Variants in ZNF469 observed in about 807,000 individuals in gnomAD.
The protein encoded by ZNF469 is zinc finger protein 469.
A neutral mutation model predicts 1.0 loss-of-function variants in ZNF469; 1 was observed. The ratio of observed to expected loss-of-function variants is 1.00; its 90% confidence interval spans 0.35 to 4.73. ZNF469 has a LOEUF of 4.73. ZNF469 is among the 30% of genes most tolerant of loss of function. The pLI is 0.16. For synonymous variants in ZNF469, 2,703 were observed against 2,363.4 expected, an observed-to-expected ratio of 1.14 and a Z score of -4.17; for missense variants, 6,100 against 5,356.3, an observed-to-expected ratio of 1.14 and a Z score of -4.33.
At position 88,431,074 on chromosome 16, in the gene ZNF469, C is replaced by G. The variant is rs1163961060; in HGVS notation, c.3604C>G (p.Pro1202Ala). The G allele has an allele frequency of 6.5e-7, 1 of 1,549,696 alleles. No homozygotes were observed. Among genetic ancestry groups the G allele is most frequent in the African/African-American group, 1.4e-5 (1 of 73,024 alleles). The change falls in exon 3 of 3, where the codon CCC (proline) becomes GCC (alanine). Residue 1202 changes from proline to alanine, a missense_variant. Pro to Ala is a conservative substitution (Grantham distance 27). Transcript: ENST00000565624. The stretch of plus-strand genomic sequence containing the variant: ...TCGCCCCTCAGTGGCCCCCAAGGAT[C>G]CCCTGCAGGTCCCCACCAACACCGA... ...ADRPSVAPKD[P>A]LQVPTNTETS...
At chr16:88,259,826 C>G in the ZNF469 span, among the ~76,000 whole-genome samples, 6 of 152,192 alleles carry the variant, frequency 3.9e-5, no homozygotes, top group Non-Finnish European at 8.8e-5. The surrounding 1 kb of genome is among the most constrained non-coding windows in gnomAD (Gnocchi z 4.1). Flanking sequence ...CTGCAGGCTC[C>G]GCCGAAGACC....
At chr16:88,107,547 G>A in the ZNF469 span, among the ~76,000 whole-genome samples, 912 of 152,336 alleles carry the variant, frequency 6.0e-3, 9 homozygotes, top group African/African-American at 0.021. Flanking sequence ...TGAGATCTGC[G>A]TGGAGACACA....
the ZNF469 span, among the ~76,000 whole-genome samples, chr16:88,192,718 GT>G: frequency 6.6e-6 from 1 of 152,150 alleles, no homozygotes; most frequent in Non-Finnish European, 1.5e-5. Context: ...GATAATGGTG[GT>G]GATGATGGTG....
intron 1 of ZNF469, among the ~76,000 whole-genome samples, chr16:88,423,920 C>A (rs1407581876): frequency 6.6e-6 from 1 of 152,244 alleles, no homozygotes; most frequent in Non-Finnish European, 1.5e-5. Context: ...GCGGTAAGCT[C>A]AGCTGTGTTC....
the ZNF469 span, among the ~76,000 whole-genome samples, chr16:88,266,505 G>A: frequency 1.3e-5 from 2 of 152,228 alleles, no homozygotes; most frequent in African/African-American, 2.4e-5. Context: ...ATGTAGAGGC[G>A]AATTTCCAAG....
chr16:88,139,748 C>A, the ZNF469 span, among the ~76,000 whole-genome samples: 1 of 152,156 alleles, frequency 6.6e-6, no homozygotes, highest in Non-Finnish European at 1.5e-5. Context: ...TCTGTCCAGG[C>A]TTTGAGTAGA....
chr16:88,366,578 C>T, the ZNF469 span, among the ~76,000 whole-genome samples: 1 of 44,506 alleles, frequency 2.2e-5, no homozygotes, highest in Non-Finnish European at 9.5e-5. Flanking sequence ...TCCATCATCA[C>T]CTTCACCACC....
the ZNF469 span, among the ~76,000 whole-genome samples, chr16:88,342,273 G>T: frequency 2.0e-5 from 3 of 152,114 alleles, no homozygotes; most frequent in African/African-American, 7.2e-5. Flanking sequence ...GGTCCAGGCT[G>T]GGACTTGAGT....
the ZNF469 span, among the ~76,000 whole-genome samples, chr16:88,309,990 C>T: frequency 6.6e-6 from 1 of 152,304 alleles, no homozygotes; most frequent in Non-Finnish European, 1.5e-5. Context: ...ATGACCCACC[C>T]GTGTTGTAAA....
At chr16:88,114,402 G>A in the ZNF469 span, among the ~76,000 whole-genome samples, 1 of 134,258 alleles carries the variant, frequency 7.4e-6, no homozygotes, top group African/African-American at 2.9e-5. Context: ...TCTCTGGGGT[G>A]GGGAATGACA....
Position 88,429,804 on chromosome 16 carries a change from T to C in ZNF469, c.2334T>C (p.Ala778=), listed in dbSNP as rs1447297308. 4 of 1,544,968 alleles carry C rather than the reference T, an allele frequency of 2.6e-6. No individual in the cohort carries two copies. Among genetic ancestry groups the C allele is most frequent in the Non-Finnish European group, 1.7e-6 (2 of 1,143,976 alleles). The change falls in exon 3 of 3, where the codon GCT becomes GCC. Residue 778 remains alanine (A), a synonymous_variant. Coordinates refer to ENST00000565624, the MANE Select transcript of ZNF469 (RefSeq NM_001367624.2). ...CCCCTGGGCTCCCCTCGCCCCCCGCTGCCCCCAGAGTCCCTGCCGACGCAC... is the reference window on the plus strand; with the variant it reads ...CCCCTGGGCTCCCCTCGCCCCCCGCCGCCCCCAGAGTCCCTGCCGACGCAC... ...PGPPGLPSPP[A]APRVPADAHA...
chr16:88,345,539 C>T, the ZNF469 span, among the ~76,000 whole-genome samples: 4 of 152,140 alleles, frequency 2.6e-5, no homozygotes, highest in African/African-American at 4.8e-5. Context: ...GATGTGGGCA[C>T]GTCACTGCCC....
At chr16:88,330,300 G>A in the ZNF469 span, among the ~76,000 whole-genome samples, 16 of 152,178 alleles carry the variant, frequency 1.1e-4, no homozygotes, top group African/African-American at 3.6e-4. Flanking sequence ...GCCCTTCCTA[G>A]CATTTCTGCT....
At chr16:88,229,340 A>AGCT in the ZNF469 span, among the ~76,000 whole-genome samples, 1 of 152,230 alleles carries the variant, frequency 6.6e-6, no homozygotes, top group Admixed American at 6.5e-5. Context: ...GGGAGTAAAA[A>AGCT]GCTGCTCTCG....
the ZNF469 span, among the ~76,000 whole-genome samples, chr16:88,197,305 C>T: frequency 6.6e-6 from 1 of 152,140 alleles, no homozygotes; most frequent in East Asian, 1.9e-4. Context: ...CCTCTTTGTA[C>T]AGACACAGAG....
chr16:88,351,684 G>T, the ZNF469 span, among the ~76,000 whole-genome samples: 1,081 of 152,246 alleles, frequency 7.1e-3, 18 homozygotes, highest in African/African-American at 0.025. Flanking sequence ...GCCCTCTGTG[G>T]AGGCCCCCAC....
the ZNF469 span, among the ~76,000 whole-genome samples, chr16:88,154,402 G>C: frequency 1.3e-5 from 2 of 152,224 alleles, no homozygotes; most frequent in Admixed American, 6.5e-5. Flanking sequence ...CTGACCTCAA[G>C]AGATCCACCC....
the ZNF469 span, among the ~76,000 whole-genome samples, chr16:88,372,830 A>G: frequency 6.6e-6 from 1 of 151,388 alleles, no homozygotes; most frequent in East Asian, 2.0e-4. Context: ...CATGATCTTT[A>G]CCATCTTTAC....
In ZNF469 at chr16:88,437,769, C is replaced by T; in HGVS notation, c.10299C>T (p.Phe3433=). The T allele has an allele frequency of 1.3e-6, 2 of 1,549,410 alleles. No individual in the cohort carries two copies. Among genetic ancestry groups the T allele is most frequent in the African/African-American group, 1.4e-5 (1 of 73,146 alleles). ...CNYTFAKKEQ[F]DRHMNKHLRG... The stretch of plus-strand genomic sequence containing the variant: ...ACACCTTCGCCAAGAAGGAGCAGTT[C>T]GACCGCCACATGAACAAGCACCTCA... Residue 3433 remains phenylalanine, a synonymous_variant, in exon 3 of 3, where the codon TTC becomes TTT. Coordinates refer to ENST00000565624, the MANE Select transcript of ZNF469 (RefSeq NM_001367624.2).
Sources: allele counts gnomAD v4.1 joint callset (sites outside exome capture counted in the v4.1 genomes callset), GRCh38; gene constraint gnomAD v4.1.1; non-coding constraint Gnocchi (gnomAD v3.1); transcripts MANE v1.5; gene names NCBI Gene and HGNC (gene_info 2026-07-23, HGNC 2026-07-21).